PARP8: variants seen among roughly 807,000 people sequenced by gnomAD.
PARP8 encodes poly(ADP-ribose) polymerase family member 8.
In PARP8, 51 loss-of-function variants were observed where a neutral mutation model predicts 124.1. The observed-to-expected ratio is 0.41, with a 90% CI of 0.33 to 0.52. The LOEUF is 0.52. Ranked by LOEUF, PARP8 falls within the 20% of genes least tolerant of loss-of-function variation. PARP8 has a pLI of 0.21. For missense variants in PARP8, 860 were observed against 1,018.9 expected (o/e 0.84, Z 2.12); for synonymous variants, 391 against 361.5 (o/e 1.08, Z -0.93).
In PARP8 at chr5:50,844,889, T is replaced by G. The variant is rs569914443; in HGVS notation, c.*2821T>G. Reference sequence around the variant, plus strand: ...AATAATCTAGTGCTATAAAATGCATTATAGTAAGACACTTTTGGTGTCTTC... The same window carrying G: ...AATAATCTAGTGCTATAAAATGCATGATAGTAAGACACTTTTGGTGTCTTC... On this transcript the variant is annotated 3_prime_UTR_variant, in exon 26 of 26. Coordinates refer to ENST00000281631, the MANE Select transcript of PARP8 (RefSeq NM_024615.4). 4.0e-5 allele frequency: 6 copies of G among 151,788 alleles called. No individual in the cohort carries two copies. In the East Asian group the frequency reaches 1.2e-3, roughly 29 times the overall value. The allele number at this position is 151,788 out of a possible 1,614,324, so 9.4% of individuals were successfully genotyped here.
chr5:50,758,337 A>C lies in PARP8; in HGVS notation c.185-1306A>C, dbSNP rs1488554035. ...GGCAAACATCTTTTGTCTCAAATTT[A>C]ATTCATATCCATTCCTGCTTAGCTC... is the stretch of plus-strand genomic sequence containing the variant. On this transcript the variant is annotated intron_variant, in intron 3 of 25. Transcript: ENST00000281631. 3.3e-5 allele frequency among the ~76,000 whole-genome samples: 5 copies of C among 152,216 alleles called. No homozygotes were observed. In the East Asian group the frequency reaches 7.7e-4, roughly 23 times the overall value.
chr5:50,784,013 CTT>C (rs1407080001), intron 9 of PARP8, among the ~76,000 whole-genome samples: 1 of 151,994 alleles, frequency 6.6e-6, no homozygotes, highest in Non-Finnish European at 1.5e-5. Flanking sequence ...TTTATGAAAA[CTT>C]TTTGAAATAA....
chr5:50,785,534 A>G (rs969359025), intron 9 of PARP8, among the ~76,000 whole-genome samples: 14 of 152,174 alleles, frequency 9.2e-5, no homozygotes, highest in African/African-American at 3.1e-4. Context: ...TCTTAGAGAA[A>G]ATACAGTGCT....
chr5:50,677,779 A>T (rs530506662), intron 2 of PARP8, among the ~76,000 whole-genome samples: 1 of 152,268 alleles, frequency 6.6e-6, no homozygotes, highest in Non-Finnish European at 1.5e-5. Context: ...TAGTATGGCG[A>T]TAGTTTTCAT....
intron 2 of PARP8, among the ~76,000 whole-genome samples, chr5:50,683,444 G>C (rs910026601): frequency 4.6e-5 from 7 of 152,072 alleles, no homozygotes; most frequent in Non-Finnish European, 1.0e-4. Flanking sequence ...CACTATACCA[G>C]CTTCCTGAAT....
At chr5:50,837,954 A>G (rs1367118182) in intron 25 of PARP8, among the ~76,000 whole-genome samples, 1 of 152,112 alleles carries the variant, frequency 6.6e-6, no homozygotes, top group Non-Finnish European at 1.5e-5. Context: ...CTGTGAGTAA[A>G]GCTTGATTAC....
intron 2 of PARP8, among the ~76,000 whole-genome samples, chr5:50,730,327 G>A (rs925407979): frequency 6.6e-6 from 1 of 151,732 alleles, no homozygotes; most frequent in Non-Finnish European, 1.5e-5. Context: ...TTGACTCACA[G>A]TTCAACAGGC....
At position 50,795,364 on chromosome 5, in the gene PARP8, T is replaced by C; in HGVS notation, c.1375T>C (p.Ser459Pro). The C allele has an allele frequency of 6.2e-7, 1 of 1,613,552 alleles. No homozygotes were observed. Among genetic ancestry groups the C allele is most frequent in the Non-Finnish European group, 8.5e-7 (1 of 1,179,752 alleles). ...NAEGRRLSLT[S>P]GLIGILTPSS... ...AGAGGGCAGGAGGCTCTCTCTTACC[T>C]CAGGGCTTATTGGTATCCTAACACC... The change falls in exon 12 of 26, where the codon TCA (serine) becomes CCA (proline). Residue 459 changes from serine to proline, a missense_variant. By Grantham distance (74) the Ser-to-Pro change is moderately conservative. Coordinates refer to ENST00000281631, the MANE Select transcript of PARP8 (RefSeq NM_024615.4).
chr5:50,775,493 T>G (rs1428199780), intron 7 of PARP8, among the ~76,000 whole-genome samples: 1 of 151,980 alleles, frequency 6.6e-6, no homozygotes, highest in South Asian at 2.1e-4. Flanking sequence ...GCAGGGAGGT[T>G]GCGGCGAGCC....
intron 15 of PARP8, 93 bp from the exon 16 acceptor site, chr5:50,821,120 T>G: frequency 6.9e-7 from 1 of 1,450,556 alleles, no homozygotes; most frequent in South Asian, 1.2e-5. Context: ...CTGATCTTCC[T>G]CATTAACTTA....
intron 14 of PARP8, among the ~76,000 whole-genome samples, chr5:50,801,539 A>G (rs1743229763): frequency 6.6e-6 from 1 of 152,172 alleles, no homozygotes; most frequent in South Asian, 2.1e-4. Context: ...GCAGAGTTTT[A>G]GTGATACTCT....
At position 50,750,268 on chromosome 5, in the gene PARP8, A is replaced by G. The variant is rs1301702701; in HGVS notation, c.184+80A>G. On this transcript the variant is annotated intron_variant, in intron 3 of 25. Transcript: ENST00000281631. ...TTTTTCTTCTGGAGATGTAAAACGCATATAAATATATTGAGGGGTGAAACA... is the reference window on the plus strand; with the variant it reads ...TTTTTCTTCTGGAGATGTAAAACGCGTATAAATATATTGAGGGGTGAAACA... 1.5e-5 allele frequency: 17 copies of G among 1,165,662 alleles called. No individual in the cohort carries two copies. In the East Asian group the frequency reaches 1.9e-4, roughly 13 times the overall value. 72.2% of individuals were successfully genotyped at this position (1,165,662 alleles called of 1,614,324 possible). A position where few individuals can be genotyped will look rare whatever the true frequency, so the allele number is the denominator to read the frequency against.
chr5:50,740,097 G>A (rs1431578385), intron 2 of PARP8, among the ~76,000 whole-genome samples: 1 of 152,062 alleles, frequency 6.6e-6, no homozygotes, highest in Admixed American at 6.6e-5. Flanking sequence ...TATTTATAAT[G>A]TTCCCACTAT....
chr5:50,799,909 C>T (rs1487128912), intron 14 of PARP8, among the ~76,000 whole-genome samples: 1 of 152,192 alleles, frequency 6.6e-6, no homozygotes, highest in Non-Finnish European at 1.5e-5. Context: ...GATGGGCCCT[C>T]ATCAGGCACT....
chr5:50,742,089 C>T, intron 2 of PARP8: 1 of 236,100 alleles, frequency 4.2e-6, no homozygotes. Flanking sequence ...GGATTACAGG[C>T]GTGAGCCACC....
chr5:50,762,885 T>G (rs956393630), intron 6 of PARP8, among the ~76,000 whole-genome samples: 4 of 152,174 alleles, frequency 2.6e-5, no homozygotes, highest in African/African-American at 7.2e-5. Flanking sequence ...ATTCTAGAAG[T>G]TTTTTAGATT....
chr5:50,846,261 T>G lies in PARP8; in HGVS notation c.*4193T>G, dbSNP rs559750352. 6.6e-6 allele frequency: 1 copy of G among 151,892 alleles called. No homozygotes were observed. The highest frequency in any genetic ancestry group is 2.4e-5 in the African/African-American group (1 of 41,526). The allele number at this position is 151,892 out of a possible 1,614,324, so 9.4% of individuals were successfully genotyped here. On this transcript the variant is annotated 3_prime_UTR_variant, in exon 26 of 26. Transcript: ENST00000281631. ...CTATACAGCCTCTTTACAATAAATT[T>G]CTTGATTTTTGTGCACAGGATAGTA...
chr5:50,704,352 ATGT>A (rs1753910634), intron 2 of PARP8, among the ~76,000 whole-genome samples: 1 of 152,156 alleles, frequency 6.6e-6, no homozygotes, highest in African/African-American at 2.4e-5. Context: ...TAATCAGAAA[ATGT>A]TGTTGATTTT....
At chr5:50,782,648 C>T (rs1740798407) in intron 9 of PARP8, among the ~76,000 whole-genome samples, 1 of 152,254 alleles carries the variant, frequency 6.6e-6, no homozygotes, top group East Asian at 1.9e-4. Flanking sequence ...ATTTCAGTTT[C>T]CATCTGTAAA....
Sources: gnomAD v4.1 joint callset for allele counts (sites outside exome capture counted in the v4.1 genomes callset) on GRCh38, gnomAD v4.1.1 for gene constraint, MANE v1.5 for transcripts, NCBI Gene and HGNC (gene_info 2026-07-23, HGNC 2026-07-21) for gene names.